C8orf34: variants seen among roughly 807,000 people sequenced by gnomAD.
C8orf34 encodes the protein chromosome 8 open reading frame 34.
In C8orf34, 65 loss-of-function variants were observed where a neutral mutation model predicts 68.3. That is an observed-to-expected ratio of 0.95 (90% CI 0.78 to 1.17). The LOEUF is 1.17. Among genes scored for constraint, C8orf34 ranks in the 50% most tolerant of loss-of-function variants. The pLI is 0.00. For missense variants in C8orf34, 664 were observed against 655.4 expected (o/e 1.01, Z -0.14); for synonymous variants, 244 against 241.2 (o/e 1.01, Z -0.11).
intron 5 of C8orf34, among the ~76,000 whole-genome samples, chr8:68,489,582 A>C (rs986270962): frequency 3.3e-5 from 5 of 152,188 alleles, no homozygotes; most frequent in African/African-American, 9.7e-5. Context: ...GCATGAAACA[A>C]AGTCTTGACT....
At chr8:68,430,432 G>A (rs542762602) in intron 1 of C8orf34, among the ~76,000 whole-genome samples, 1 of 152,250 alleles carries the variant, frequency 6.6e-6, no homozygotes, top group South Asian at 2.1e-4. Flanking sequence ...TCAAACCTGA[G>A]GAGATCATAG....
rs191836185 is a variant in C8orf34, at chr8:68,492,136, C to A, written c.765+4085C>A. Among the ~76,000 whole-genome samples, 73 of 152,320 alleles carry A rather than the reference C, an allele frequency of 4.8e-4. 1 individual carries two copies. Among genetic ancestry groups the A allele is most frequent in the African/African-American group, 1.7e-3 (69 of 41,578 alleles). ...ACCTAAGACATGCCACAAGAAGATTCTTCCTAAAGCAAAATCTTATTGAAA... is the reference window on the plus strand; with the variant it reads ...ACCTAAGACATGCCACAAGAAGATTATTCCTAAAGCAAAATCTTATTGAAA... On this transcript the variant is annotated intron_variant, in intron 5 of 13. Coordinates refer to ENST00000518698, the MANE Select transcript of C8orf34 (RefSeq NM_052958.4).
intron 3 of C8orf34, among the ~76,000 whole-genome samples, chr8:68,461,772 A>G (rs898575020): frequency 6.6e-5 from 10 of 152,222 alleles, no homozygotes; most frequent in African/African-American, 2.4e-4. Context: ...GGCCTGCCCT[A>G]CAAGAGCTCC....
Position 68,331,181 on chromosome 8 carries a change from C to T in C8orf34, c.169C>T (p.Pro57Ser). The change falls in exon 1 of 14, where the codon CCC (proline) becomes TCC (serine). Residue 57 changes from proline (P) to serine (S), a missense_variant. By Grantham distance (74) the Pro-to-Ser change is moderately conservative (BLOSUM62 -1). Coordinates refer to ENST00000518698, the MANE Select transcript of C8orf34 (RefSeq NM_052958.4). ...QPRLRSSCPG[P>S]SPGKRRVVPS... ...GAGGCTCCGGAGCTCCTGTCCCGGC[C>T]CCAGTCCGGGTAAAAGGAGGGTTGT... 1 of 1,533,544 alleles carries T rather than the reference C, an allele frequency of 6.5e-7. No individual in the cohort carries two copies. The highest frequency in any genetic ancestry group is 8.7e-7 in the Non-Finnish European group (1 of 1,144,934). The allele number at this position is 1,533,544 out of a possible 1,614,324, so 95.0% of individuals were successfully genotyped here.
chr8:68,643,556 G>T (rs1819075901), intron 8 of C8orf34, among the ~76,000 whole-genome samples: 1 of 152,182 alleles, frequency 6.6e-6, no homozygotes, highest in Admixed American at 6.5e-5. Flanking sequence ...GGTGCTGGCT[G>T]ATTCAGTGTC....
chr8:68,628,160 A>G (rs774140318), intron 7 of C8orf34, among the ~76,000 whole-genome samples: 3 of 152,138 alleles, frequency 2.0e-5, no homozygotes, highest in Non-Finnish European at 4.4e-5. Context: ...TCCAAATGCA[A>G]TTCTAACTTA....
At chr8:68,584,886 C>G (rs1817163680) in intron 7 of C8orf34, among the ~76,000 whole-genome samples, 1 of 152,128 alleles carries the variant, frequency 6.6e-6, no homozygotes, top group African/African-American at 2.4e-5. Context: ...TACAGCCCTT[C>G]TCCCTCTGGC....
chr8:68,647,271 G>A (rs897513213), intron 8 of C8orf34, among the ~76,000 whole-genome samples: 10 of 152,092 alleles, frequency 6.6e-5, no homozygotes, highest in African/African-American at 2.4e-4. Flanking sequence ...TAGAATGGCC[G>A]TCATCAAAAA....
intron 10 of C8orf34, among the ~76,000 whole-genome samples, chr8:68,722,657 T>A (rs1052792155): frequency 6.6e-6 from 1 of 152,064 alleles, no homozygotes; most frequent in African/African-American, 2.4e-5. Context: ...ACAATTTACT[T>A]ATTTGTTTTA....
At chr8:68,769,498 A>C (rs1823279048) in intron 10 of C8orf34, among the ~76,000 whole-genome samples, 1 of 152,104 alleles carries the variant, frequency 6.6e-6, no homozygotes, top group African/African-American at 2.4e-5. Context: ...AATAATAAAA[A>C]TATACTTATT....
chr8:68,402,813 T>A (rs1809015322), intron 1 of C8orf34, among the ~76,000 whole-genome samples: 2 of 152,324 alleles, frequency 1.3e-5, no homozygotes, highest in South Asian at 2.1e-4. Flanking sequence ...TGACTTATTT[T>A]GAGGTCTATC....
intron 7 of C8orf34, among the ~76,000 whole-genome samples, chr8:68,575,956 GT>G (rs59081528): frequency 0.24 from 23,335 of 95,254 alleles, 1,158 homozygotes; most frequent in East Asian, 0.35. Context: ...GTAGATGGTT[GT>G]TTTTTTTTTT....
chr8:68,697,902 C>G (rs1321258359), intron 8 of C8orf34, among the ~76,000 whole-genome samples: 1 of 152,026 alleles, frequency 6.6e-6, no homozygotes, highest in Non-Finnish European at 1.5e-5. Flanking sequence ...TGGTGTTGCA[C>G]GACAGCTCAC....
At chr8:68,642,112 C>G (rs1414883776) in intron 8 of C8orf34, among the ~76,000 whole-genome samples, 3 of 152,274 alleles carry the variant, frequency 2.0e-5, no homozygotes, top group Admixed American at 2.0e-4. Context: ...CAGTTTGAAA[C>G]TCAGGCAGCA....
At chr8:68,535,273 C>G (rs1038821794) in intron 7 of C8orf34, 2 of 980,226 alleles carry the variant, frequency 2.0e-6, no homozygotes, top group Non-Finnish European at 2.4e-6. Flanking sequence ...ATAGAGACAT[C>G]TGGTATTTAA....
intron 1 of C8orf34, among the ~76,000 whole-genome samples, chr8:68,389,773 G>A (rs563888660): frequency 2.0e-5 from 3 of 151,938 alleles, no homozygotes; most frequent in South Asian, 2.1e-4. Flanking sequence ...ATGATTTGAC[G>A]ATTTCTTTTC....
intron 7 of C8orf34, among the ~76,000 whole-genome samples, 190 bp from the exon 8 acceptor site, chr8:68,640,186 C>G (rs1018087097): frequency 6.6e-6 from 1 of 152,154 alleles, no homozygotes; most frequent in African/African-American, 2.4e-5. Flanking sequence ...TAAATCTTCA[C>G]ACATAATTTG....
At chr8:68,454,083 A>G (rs1334954077) in intron 3 of C8orf34, among the ~76,000 whole-genome samples, 1 of 151,970 alleles carries the variant, frequency 6.6e-6, no homozygotes, top group Non-Finnish European at 1.5e-5. Context: ...ACATTTTATA[A>G]TTTTCTTAAG....
chr8:68,809,681 C>T (rs998169350), intron 12 of C8orf34, among the ~76,000 whole-genome samples: 3 of 152,216 alleles, frequency 2.0e-5, no homozygotes, highest in Non-Finnish European at 2.9e-5. Flanking sequence ...GTTATACCAT[C>T]ATTAATCCCA....
Sources: gnomAD v4.1 joint callset for allele counts (sites outside exome capture counted in the v4.1 genomes callset) on GRCh38, gnomAD v4.1.1 for gene constraint, MANE v1.5 for transcripts, NCBI Gene and HGNC (gene_info 2026-07-23, HGNC 2026-07-21) for gene names.